The following C2 variants were observed in gnomAD, a reference collection of about 807,000 sequenced individuals.
C2 encodes the protein complement C2.
A neutral mutation model predicts 85.2 loss-of-function variants in C2; 64 were observed. That is an observed-to-expected ratio of 0.75 (90% CI 0.61 to 0.92). C2 has a LOEUF of 0.92. C2 is among the 40% of genes least tolerant of loss of function. C2 has a pLI of 0.00. For missense variants in C2, 820 were observed against 971.6 expected (o/e 0.84, Z 2.07); for synonymous variants, 311 against 370.8 (o/e 0.84, Z 1.85).
At chr6:31,930,892 T>G (rs1741290197) in intron 3 of C2, among the ~76,000 whole-genome samples, 1 of 152,252 alleles carries the variant, frequency 6.6e-6, no homozygotes, top group Non-Finnish European at 1.5e-5. Flanking sequence ...TCTTAACTAT[T>G]CAGCTCAATG....
At chr6:31,899,640 C>T (rs1056705085), upstream of C2, 50 of 372,166 alleles carry the variant, frequency 1.3e-4, no homozygotes, top group Non-Finnish European at 2.2e-4. Context: ...GGACCCTTTT[C>T]CCTCCCTCCA....
exon 1 of C2, chr6:31,901,029 A>G (rs1251557935): frequency 6.2e-7 from 1 of 1,614,178 alleles, no homozygotes; most frequent in Non-Finnish European, 8.5e-7. Flanking sequence ...GCGAATTCCA[A>G]GGCGCCCGTG....
chr6:31,928,705 T>G, intron 2 of C2, 27 bp from the exon 3 acceptor site: 1 of 1,613,198 alleles, frequency 6.2e-7, no homozygotes. Flanking sequence ...CAGTCCTATA[T>G]TCCCCACCCA....
intron 1 of C2, chr6:31,901,374 A>T: frequency 6.7e-7 from 1 of 1,499,982 alleles, no homozygotes. Flanking sequence ...GGCTCTCCGA[A>T]GCCAAGGCTC....
intron 1 of C2, among the ~76,000 whole-genome samples, chr6:31,913,477 G>A (rs914593000): frequency 2.0e-5 from 3 of 152,162 alleles, no homozygotes; most frequent in African/African-American, 7.2e-5. Flanking sequence ...TTGGGAGGCT[G>A]AGGCACAAGA....
At chr6:31,905,760 G>A (rs1767673460) in intron 1 of C2, among the ~76,000 whole-genome samples, 1 of 152,024 alleles carries the variant, frequency 6.6e-6, no homozygotes, top group African/African-American at 2.4e-5. Flanking sequence ...TTAATAAAAT[G>A]GAGGGATTAC....
chr6:31,900,788 G>A (rs1230720942), upstream of C2: 2 of 1,597,100 alleles, frequency 1.3e-6, no homozygotes, highest in Non-Finnish European at 1.7e-6. The surrounding 1 kb of genome is among the most constrained non-coding windows in gnomAD (Gnocchi z 9.7). Context: ...GAGTGGAGGG[G>A]GTAGAGGAGG....
chr6:31,901,684 C>T (rs1389616131), intron 1 of C2, among the ~76,000 whole-genome samples: 3 of 150,456 alleles, frequency 2.0e-5, no homozygotes, highest in Non-Finnish European at 3.0e-5. Context: ...TTACCGGCTG[C>T]CTCATTCCTC....
In C2 at chr6:31,928,931, C is replaced by T. The variant is rs373938066; in HGVS notation, c.442+14C>T. The T allele has an allele frequency of 2.6e-5, 42 of 1,604,364 alleles. No homozygotes were observed. Among genetic ancestry groups the T allele is most frequent in the Non-Finnish European group, 3.6e-5 (42 of 1,173,994 alleles). On this transcript the variant is annotated intron_variant, in intron 3 of 17. Coordinates refer to ENST00000299367, the MANE Select transcript of C2 (RefSeq NM_000063.6). ...GTGATAATGGGGGTGAGTTCTCTGG[C>T]TGATGGGCTACACAGGGGGCTGGGG...
chr6:31,931,841 C>T (rs1399036334), intron 3 of C2, among the ~76,000 whole-genome samples: 4 of 151,636 alleles, frequency 2.6e-5, no homozygotes, highest in Admixed American at 2.0e-4. Flanking sequence ...TAGGCGCGGC[C>T]GGGCAGAGGC....
chr6:31,945,478 C>T lies in C2; in HGVS notation c.*121C>T, dbSNP rs1420448681. 1.0e-6 allele frequency: 1 copy of T among 981,670 alleles called. No individual in the cohort carries two copies. Among genetic ancestry groups the T allele is most frequent in the Non-Finnish European group, 1.6e-6 (1 of 630,900 alleles). 60.8% of individuals were successfully genotyped at this position (981,670 alleles called of 1,614,324 possible). On this transcript the variant is annotated 3_prime_UTR_variant, in exon 18 of 18. Transcript: ENST00000299367. The surrounding 1 kb of genome is among the most constrained non-coding windows in gnomAD (Gnocchi z 5.3). The stretch of plus-strand genomic sequence containing the variant: ...CTCTCCTAGCTGAGTAAATCCGGGT[C>T]TCTAGGATGCCAGAGGCAGCGCACA...
upstream of C2, chr6:31,919,856 G>GT (rs1768843513): frequency 6.6e-6 from 1 of 152,250 alleles, no homozygotes; most frequent in Non-Finnish European, 1.5e-5. Context: ...GGACGTGGGA[G>GT]TTTCCAAACA....
At chr6:31,917,214 T>C (rs1768600359), upstream of C2, among the ~76,000 whole-genome samples, 1 of 146,464 alleles carries the variant, frequency 6.8e-6, no homozygotes, top group Non-Finnish European at 1.5e-5. Flanking sequence ...CAGAGAACAA[T>C]GAGATGTTTT....
At chr6:31,940,037 A>C (rs1770758567) in intron 9 of C2, among the ~76,000 whole-genome samples, 1 of 152,182 alleles carries the variant, frequency 6.6e-6, no homozygotes. Context: ...TGGTCTCCCA[A>C]GGTGCTGGGA....
At chr6:31,900,550 G>A (rs553995880), upstream of C2, 2 of 1,612,090 alleles carry the variant, frequency 1.2e-6, no homozygotes, top group Non-Finnish European at 1.7e-6. The surrounding 1 kb of genome is among the most constrained non-coding windows in gnomAD (Gnocchi z 9.7). Flanking sequence ...CAGTGCTGGG[G>A]GGAACGCTGC....
chr6:31,935,105 A>T lies in C2; in HGVS notation c.849+806A>T, dbSNP rs562623167. ...GTTCCTCGCCAGAACTTTGTTTTGT[A>T]ATTGTGCTTTTCACAATACTTCATG... On this transcript the variant is annotated intron_variant, in intron 6 of 17. Transcript: ENST00000299367. This position sits in a 1 kb window ranked among gnomAD's most constrained non-coding sequence, Gnocchi z 4.3. The T allele has an allele frequency of 3.1e-6, 3 of 976,796 alleles. No individual in the cohort carries two copies. The highest frequency in any genetic ancestry group is 1.2e-4 in the Admixed American group (2 of 16,258). The allele number at this position is 976,796 out of a possible 1,614,324, so 60.5% of individuals were successfully genotyped here.
At position 31,905,159 on chromosome 6, in the gene C2, C is replaced by A. The variant is rs142155949; in HGVS notation, c.73+4020C>A. ...ATACTTTTAGGATTTTTGGGTCAGG[C>A]TCAATGGTTCATTCCTGTAATCCCA... On this transcript the variant is annotated intron_variant, in intron 1 of 3. Coordinates refer to the C2 transcript ENST00000452202. 2.8e-3 allele frequency among the ~76,000 whole-genome samples: 430 copies of A among 152,090 alleles called. 5 individuals carry two copies. The highest frequency in any genetic ancestry group is 0.01 in the African/African-American group (420 of 41,434).
Position 31,920,360 on chromosome 6 carries a change from C to A in C2, c.-100+334C>A, listed in dbSNP as rs986427162. 6.6e-6 allele frequency among the ~76,000 whole-genome samples: 1 copy of A among 152,108 alleles called. No homozygotes were observed. ...GGAAGGGGATGAATATCTCCCCACT[C>A]CCCAGGATAAAGGAAAACATTAGAG... On this transcript the variant is annotated intron_variant, in intron 1 of 3. Transcript: ENST00000413154. This position sits in a 1 kb window ranked among gnomAD's most constrained non-coding sequence, Gnocchi z 5.6.
upstream of C2, among the ~76,000 whole-genome samples, chr6:31,924,440 A>G (rs762987179): frequency 6.6e-6 from 1 of 152,196 alleles, no homozygotes; most frequent in Non-Finnish European, 1.5e-5. Flanking sequence ...TGGCTGTTCC[A>G]GAGTCCACCA....
Sources: gnomAD v4.1 joint callset for allele counts (sites outside exome capture counted in the v4.1 genomes callset) on GRCh38, gnomAD v4.1.1 for gene constraint, Gnocchi (gnomAD v3.1) non-coding constraint, MANE v1.5 for transcripts, NCBI Gene and HGNC (gene_info 2026-07-23, HGNC 2026-07-21) for gene names.